Variants in NHSL2 observed in about 807,000 individuals in gnomAD.
NHSL2 encodes the protein NHS like 2.
Under a neutral mutation model 53.4 loss-of-function variants are expected in NHSL2, and 27 were observed. That is an observed-to-expected ratio of 0.51 (90% confidence interval 0.37 to 0.70). The LOEUF (loss-of-function observed/expected upper bound fraction) is 0.70, where lower values mean the gene tolerates loss of function less well. NHSL2 is among the 30% of genes least tolerant of loss of function. The pLI, the probability that NHSL2 is intolerant of heterozygous loss-of-function variation, is 0.00. For synonymous variants in NHSL2, 408 were observed against 404.1 expected, an observed-to-expected ratio of 1.01 and a Z score of -0.12; for missense variants, 892 against 980.1, an observed-to-expected ratio of 0.91 and a Z score of 1.20.
rs1399359661 is a variant in NHSL2 at position 72,152,141 on chromosome X, A to G, written c.*8567A>G. ...AATCTCTAAATGAATTCTGTTCTAA[A>G]GCTTCTTCACGTCTCTCTCCATCCT... On this transcript the variant is annotated 3_prime_UTR_variant, in exon 8 of 8. Transcript: ENST00000633930. 8.9e-6 allele frequency: 1 copy of G among 112,862 alleles called. No homozygotes were observed. The highest frequency in any genetic ancestry group is 1.9e-5 in the Non-Finnish European group (1 of 53,336). 9.3% of individuals were successfully genotyped at this position (112,862 alleles called of 1,213,427 possible).
intron 1 of NHSL2, among the ~76,000 whole-genome samples, chrX:71,966,446 A>T (rs1006773520): frequency 9.0e-6 from 1 of 111,213 alleles, no homozygotes; most frequent in Non-Finnish European, 1.9e-5. Context: ...GATGCTCTTT[A>T]TAAAGTTGAG....
chrX:71,934,707 C>G (rs2041729440), intron 1 of NHSL2, among the ~76,000 whole-genome samples: 1 of 112,053 alleles, frequency 8.9e-6, no homozygotes, highest in Admixed American at 9.4e-5. Context: ...TTGAGCCACA[C>G]AGATGGCAGT....
intron 1 of NHSL2, among the ~76,000 whole-genome samples, chrX:72,000,855 C>G (rs757222823): frequency 5.6e-4 from 63 of 112,555 alleles, no homozygotes; most frequent in African/African-American, 2.0e-3. Context: ...TTAACTCCAC[C>G]TGCAAACCTT....
chrX:71,963,568 A>G (rs2041878089), intron 1 of NHSL2, among the ~76,000 whole-genome samples: 1 of 110,892 alleles, frequency 9.0e-6, no homozygotes, highest in South Asian at 3.8e-4. Context: ...AAATTCAAAG[A>G]TACAAATAGA....
chrX:72,039,802 T>C (rs1441247844), intron 1 of NHSL2, among the ~76,000 whole-genome samples: 1 of 111,874 alleles, frequency 8.9e-6, no homozygotes, highest in Non-Finnish European at 1.9e-5. Context: ...CAGTCTGCAG[T>C]ACATGACATA....
intron 1 of NHSL2, among the ~76,000 whole-genome samples, chrX:72,004,869 TTGAA>T (rs1205292361): frequency 9.2e-6 from 1 of 108,225 alleles, no homozygotes; most frequent in Non-Finnish European, 1.9e-5. Flanking sequence ...CAAGTGTTGG[TTGAA>T]TGAATGAATG....
At chrX:72,054,433 T>C (rs376029136) in intron 1 of NHSL2, among the ~76,000 whole-genome samples, 56 of 111,764 alleles carry the variant, frequency 5.0e-4, no homozygotes, top group African/African-American at 1.7e-3. Context: ...TTTCAGAGAA[T>C]GACATGCTCT....
chrX:71,952,541 A>ACG (rs1569465936), intron 1 of NHSL2, among the ~76,000 whole-genome samples: 1 of 111,367 alleles, frequency 9.0e-6, no homozygotes, highest in Non-Finnish European at 1.9e-5. Flanking sequence ...AGCACCTTCT[A>ACG]CGTGTCCTCA....
At chrX:71,952,808 A>C (rs1347677580) in intron 1 of NHSL2, among the ~76,000 whole-genome samples, 1 of 111,525 alleles carries the variant, frequency 9.0e-6, no homozygotes, top group Non-Finnish European at 1.9e-5. Context: ...ACACTATACC[A>C]GGTGGCCTGG....
chrX:72,065,231 G>C (rs2042421330), intron 1 of NHSL2, among the ~76,000 whole-genome samples: 1 of 111,712 alleles, frequency 9.0e-6, no homozygotes, highest in African/African-American at 3.3e-5. Context: ...AGGGTAGCTT[G>C]GCCTGTGCCC....
chrX:72,094,812 A>G (rs2041930720), intron 1 of NHSL2, among the ~76,000 whole-genome samples: 1 of 112,022 alleles, frequency 8.9e-6, no homozygotes, highest in Non-Finnish European at 1.9e-5. Context: ...ATGGAGCTCT[A>G]AGTATACTTG....
chrX:72,039,273 T>C (rs1678978702), intron 1 of NHSL2, among the ~76,000 whole-genome samples: 2 of 111,065 alleles, frequency 1.8e-5, no homozygotes, highest in African/African-American at 3.3e-5. Context: ...GAACTTTCTC[T>C]TTTTAACATT....
At chrX:72,133,987 C>CAGGCCTGGCAGCTAGAGCAGG (rs1444735614) in intron 2 of NHSL2, 104 bp from the exon 3 acceptor site, 11 of 848,198 alleles carry the variant, frequency 1.3e-5, no homozygotes, top group Non-Finnish European at 1.8e-5. Context: ...AAATGCAAGT[C>CAGGCCTGGCAGCTAGAGCAGG]AGGCCTGGCA....
rs55912050 is a variant in NHSL2, at chrX:72,144,704, G to GCACACACA, written c.*1165_*1172dup. The stretch of plus-strand genomic sequence containing the variant: ...CTTGCCAGTTGCTATGGCCCATAAT[G>GCACACACA]CACACACACACACACACACACACAC... On this transcript the variant is annotated 3_prime_UTR_variant, in exon 8 of 8. Transcript: ENST00000633930. 417 of 159,140 alleles carry GCACACACA rather than the reference G, an allele frequency of 2.6e-3. 3 individuals are homozygous for GCACACACA. Among genetic ancestry groups the GCACACACA allele is most frequent in the African/African-American group, 0.014 (377 of 27,458 alleles). 13.1% of individuals were successfully genotyped at this position (159,140 alleles called of 1,213,427 possible).
chrX:71,962,712 C>G (rs2041873715), intron 1 of NHSL2, among the ~76,000 whole-genome samples: 1 of 105,801 alleles, frequency 9.5e-6, no homozygotes, highest in South Asian at 4.4e-4. Flanking sequence ...TCACTGCACA[C>G]TCGATCTCTT....
At chrX:71,918,603 G>C (rs1481991234) in intron 1 of NHSL2, among the ~76,000 whole-genome samples, 1 of 111,561 alleles carries the variant, frequency 9.0e-6, no homozygotes, top group African/African-American at 3.3e-5. Context: ...GGGGGCTGAG[G>C]GGGAGGGCAG....
chrX:71,962,901 G>A (rs1310414009), intron 1 of NHSL2, among the ~76,000 whole-genome samples: 1 of 110,439 alleles, frequency 9.1e-6, no homozygotes, highest in African/African-American at 3.3e-5. Context: ...GCCTCTCAAA[G>A]CATTGGGATT....
chrX:72,130,360 T>C, intron 1 of NHSL2: 6 of 1,154,149 alleles, frequency 5.2e-6, no homozygotes, highest in Non-Finnish European at 7.0e-6. Context: ...CTCCTCCTCC[T>C]CCTTCTCTTC....
intron 1 of NHSL2, among the ~76,000 whole-genome samples, chrX:71,969,163 G>A (rs1031848724): frequency 9.1e-5 from 10 of 110,346 alleles, no homozygotes; most frequent in African/African-American, 3.3e-4. Context: ...ATGAACATGA[G>A]ATGTTTTCCC....
Sources: gnomAD v4.1 joint callset for allele counts (sites outside exome capture counted in the v4.1 genomes callset) on GRCh38, gnomAD v4.1.1 for gene constraint, MANE v1.5 for transcripts, NCBI Gene and HGNC (gene_info 2026-07-23, HGNC 2026-07-21) for gene names.